The following NTM variants were observed in gnomAD, a reference collection of about 807,000 sequenced individuals.
The protein encoded by NTM is neurotrimin, also known as IgLON family member 2.
NTM carries 13 observed loss-of-function variants against 42.1 expected under a neutral mutation model. The observed-to-expected ratio is 0.31, with a 90% CI of 0.20 to 0.49. NTM has a LOEUF of 0.49. Ranked by LOEUF, NTM falls within the 20% of genes least tolerant of loss-of-function variation. The probability of loss-of-function intolerance (pLI) is 0.99; values close to 1 mark genes in which losing one functional copy is unlikely to be tolerated. For missense variants in NTM, 373 were observed against 452.8 expected (o/e 0.82, Z 1.60); for synonymous variants, 187 against 179.2 (o/e 1.04, Z -0.35).
chr11:131,552,148 G>GGAAGGGA (rs2054753732), intron 1 of NTM, among the ~76,000 whole-genome samples: 1 of 152,060 alleles, frequency 6.6e-6, no homozygotes, highest in Non-Finnish European at 1.5e-5. Flanking sequence ...GAAAAGAGCT[G>GGAAGGGA]GAAGGGAGAG....
intron 2 of NTM, among the ~76,000 whole-genome samples, chr11:132,083,979 T>G (rs2059394811): frequency 6.6e-6 from 1 of 152,128 alleles, no homozygotes; most frequent in African/African-American, 2.4e-5. Context: ...TAGCAATATT[T>G]TAAGCAAAAG....
At chr11:131,437,224 T>A in intron 1 of NTM, among the ~76,000 whole-genome samples, 1 of 152,204 alleles carries the variant, frequency 6.6e-6, no homozygotes, top group East Asian at 1.9e-4. Flanking sequence ...AATTTTGGAA[T>A]AAGTGCGATG....
chr11:131,802,881 T>C (rs1001605578), intron 1 of NTM, among the ~76,000 whole-genome samples: 1 of 152,238 alleles, frequency 6.6e-6, no homozygotes, highest in African/African-American at 2.4e-5. Flanking sequence ...GCAACAGCCT[T>C]TGCTGCTGTT....
chr11:131,464,252 G>A (rs1177744309), intron 1 of NTM, among the ~76,000 whole-genome samples: 2 of 152,090 alleles, frequency 1.3e-5, no homozygotes, highest in Admixed American at 6.5e-5. Context: ...AATGCGGCAG[G>A]GAGTTGCAAA....
At chr11:131,860,700 G>A (rs2046541954) in intron 1 of NTM, among the ~76,000 whole-genome samples, 1 of 152,204 alleles carries the variant, frequency 6.6e-6, no homozygotes, top group Non-Finnish European at 1.5e-5. Context: ...AACCATGCAA[G>A]CAGGCCTTTC....
chr11:131,562,648 G>A (rs1367396456), intron 1 of NTM, among the ~76,000 whole-genome samples: 5 of 152,148 alleles, frequency 3.3e-5, no homozygotes, highest in African/African-American at 1.2e-4. Context: ...ATTCACTTTC[G>A]CTACTTTTCC....
chr11:132,325,819 A>G (rs902142930), intron 7 of NTM, among the ~76,000 whole-genome samples: 2 of 152,244 alleles, frequency 1.3e-5, no homozygotes, highest in Non-Finnish European at 2.9e-5. Context: ...CATATACACC[A>G]CGGAATACTA....
At chr11:131,792,611 G>A (rs2091086124) in intron 1 of NTM, among the ~76,000 whole-genome samples, 1 of 151,988 alleles carries the variant, frequency 6.6e-6, no homozygotes, top group Non-Finnish European at 1.5e-5. Flanking sequence ...CCACCTTTCT[G>A]GCCACCACCC....
At chr11:131,665,683 T>C (rs980002104) in intron 1 of NTM, among the ~76,000 whole-genome samples, 7 of 152,192 alleles carry the variant, frequency 4.6e-5, no homozygotes, top group Non-Finnish European at 1.0e-4. Context: ...GTCTATGGTA[T>C]TTTATTATGG....
intron 2 of NTM, among the ~76,000 whole-genome samples, chr11:132,094,807 A>T (rs184645450): frequency 1.3e-4 from 20 of 152,232 alleles, no homozygotes; most frequent in African/African-American, 4.3e-4. Context: ...TAAGAAGACT[A>T]TGTGAGTCCA....
chr11:131,750,369 G>C (rs761859427), intron 1 of NTM, among the ~76,000 whole-genome samples: 3 of 152,178 alleles, frequency 2.0e-5, no homozygotes, highest in Non-Finnish European at 2.9e-5. Flanking sequence ...GCCAGGCAAA[G>C]TGTCATTCTG....
chr11:131,740,659 C>CTCTCTG (rs909334525), intron 1 of NTM, among the ~76,000 whole-genome samples: 3 of 152,148 alleles, frequency 2.0e-5, no homozygotes, highest in African/African-American at 7.2e-5. Flanking sequence ...CCATGAGTCT[C>CTCTCTG]TCTCTGTCTC....
At chr11:131,739,183 T>G (rs560988402) in intron 1 of NTM, among the ~76,000 whole-genome samples, 1 of 146,606 alleles carries the variant, frequency 6.8e-6, no homozygotes, top group Non-Finnish European at 1.5e-5. Flanking sequence ...CACCCACAAG[T>G]TTTCTTTTTT....
At chr11:131,619,684 A>G (rs999680059) in intron 1 of NTM, among the ~76,000 whole-genome samples, 6 of 152,166 alleles carry the variant, frequency 3.9e-5, no homozygotes, top group Non-Finnish European at 7.3e-5. Context: ...AAAAGGAGAG[A>G]TAGAGCCAAA....
intron 2 of NTM, among the ~76,000 whole-genome samples, chr11:131,979,734 C>A (rs764020015): frequency 1.3e-5 from 2 of 152,210 alleles, no homozygotes; most frequent in Non-Finnish European, 2.9e-5. Flanking sequence ...CCAAAGAGGA[C>A]ATGACATTGA....
At position 132,226,917 on chromosome 11, in the gene NTM, C is replaced by G. The variant is rs76611805; in HGVS notation, c.526+14770C>G. ...TATACCATGCTGGTAATATACTATTCTTGTCCATCAAAAACTCCAAGAAAA... is the reference window on the plus strand; with the variant it reads ...TATACCATGCTGGTAATATACTATTGTTGTCCATCAAAAACTCCAAGAAAA... On this transcript the variant is annotated intron_variant, in intron 4 of 8. Transcript: ENST00000683400. 3.6e-3 allele frequency among the ~76,000 whole-genome samples: 541 copies of G among 152,314 alleles called. 1 individual carries two copies. Among genetic ancestry groups the G allele is most frequent in the Non-Finnish European group, 6.0e-3 (407 of 68,032 alleles).
chr11:131,640,869 G>A (rs1373630685), intron 1 of NTM, among the ~76,000 whole-genome samples: 5 of 152,126 alleles, frequency 3.3e-5, no homozygotes, highest in Non-Finnish European at 7.4e-5. Context: ...ATAACTAAAG[G>A]CAACTGATCT....
Position 131,865,978 on chromosome 11 carries a change from CCA to C in NTM, c.83-45580_83-45579del, listed in dbSNP as rs529700896. Among the ~76,000 whole-genome samples, 907 of 118,748 alleles carry C rather than the reference CCA, an allele frequency of 7.6e-3. 74 individuals carry two copies. The highest frequency in any genetic ancestry group is 0.026 in the African/African-American group (841 of 32,752). 77.9% of individuals were successfully genotyped at this position (118,748 alleles called of 152,430 possible). ...TACACACATGCTACACATACACCTC[CCA>C]CACACTCTCACACATGCTACATACA... On this transcript the variant is annotated intron_variant, in intron 1 of 8. Transcript: ENST00000683400.
chr11:131,981,533 T>C (rs2065235293), intron 2 of NTM: 1 of 152,202 alleles, frequency 6.6e-6, no homozygotes, highest in Admixed American at 6.5e-5. Flanking sequence ...ATGGAAACGT[T>C]CTGCTTACTC....
Sources: allele counts gnomAD v4.1 joint callset (sites outside exome capture counted in the v4.1 genomes callset), GRCh38; gene constraint gnomAD v4.1.1; transcripts MANE v1.5; gene names NCBI Gene and HGNC (gene_info 2026-07-23, HGNC 2026-07-21).